DCC: variants seen among roughly 807,000 people sequenced by gnomAD.
The protein encoded by DCC is DCC netrin 1 receptor.
A neutral mutation model predicts 172.5 loss-of-function variants in DCC; 58 were observed. The ratio of observed to expected loss-of-function variants is 0.34; its 90% CI spans 0.27 to 0.42. DCC has a LOEUF of 0.42. Among genes scored for constraint, DCC ranks in the 10% least tolerant of loss-of-function variants. DCC has a pLI of 1.00. For missense variants in DCC, 1,740 were observed against 1,791.0 expected (o/e 0.97, Z 0.51); for synonymous variants, 709 against 644.5 (o/e 1.10, Z -1.52).
At chr18:52,559,254 G>A (rs1568229003) in intron 1 of DCC, among the ~76,000 whole-genome samples, 1 of 152,140 alleles carries the variant, frequency 6.6e-6, no homozygotes, top group Non-Finnish European at 1.5e-5. Context: ...TGGGACTACA[G>A]ACATGTGCCA....
chr18:53,526,629 C>G lies in DCC; in HGVS notation c.4124C>G (p.Pro1375Arg), dbSNP rs387906555. Residue 1375 changes from proline (P) to arginine (R), a missense_variant, in exon 28 of 29, where the codon CCT becomes CGT. By Grantham distance (103) the Pro-to-Arg change is moderately radical. Coordinates refer to ENST00000442544, the MANE Select transcript of DCC (RefSeq NM_005215.4). The part of the protein sequence containing the change: ...PLLSQPGPTL[P>R]KTHVKTASLG... ...TTTTCTATTTCAGGGCCCACTCTTC[C>G]TAAGACCCATGTGAAAACAGCCTCC... 2 of 1,613,344 alleles carry G rather than the reference C, an allele frequency of 1.2e-6. No individual in the cohort carries two copies. The highest frequency in any genetic ancestry group is 2.7e-5 in the African/African-American group (2 of 74,852).
intron 22 of DCC, among the ~76,000 whole-genome samples, chr18:53,446,064 C>A (rs951000332): frequency 1.6e-5 from 2 of 127,062 alleles, no homozygotes; most frequent in African/African-American, 2.9e-5. Flanking sequence ...GAGTTTGAGA[C>A]CAGCCTGGGC....
At chr18:53,495,912 C>T (rs1599217594) in intron 26 of DCC, among the ~76,000 whole-genome samples, 2 of 152,186 alleles carry the variant, frequency 1.3e-5, no homozygotes, top group South Asian at 2.1e-4. Context: ...CTAGATTCCT[C>T]GTCTCTGGGC....
intron 1 of DCC, among the ~76,000 whole-genome samples, chr18:52,501,837 T>A (rs1171522759): frequency 6.6e-6 from 1 of 152,210 alleles, no homozygotes; most frequent in Admixed American, 6.5e-5. Context: ...GGTATCTTCA[T>A]CTACTATGTG....
At chr18:53,323,778 G>T (rs960673690) in intron 14 of DCC, among the ~76,000 whole-genome samples, 3 of 152,062 alleles carry the variant, frequency 2.0e-5, no homozygotes, top group Admixed American at 6.6e-5. Context: ...GGATGAATAA[G>T]AATTAGGTAT....
chr18:53,388,924 G>A (rs62099978), intron 16 of DCC, among the ~76,000 whole-genome samples: 64,413 of 151,922 alleles, frequency 0.42, 15,449 homozygotes, highest in Non-Finnish European at 0.55. Flanking sequence ...AGCTGGGACT[G>A]CAGGTGTGCC....
At chr18:52,928,545 A>C (rs2040254464) in intron 5 of DCC, among the ~76,000 whole-genome samples, 1 of 152,218 alleles carries the variant, frequency 6.6e-6, no homozygotes, top group African/African-American at 2.4e-5. Context: ...ACATATGCAC[A>C]CATGTGCGTG....
intron 8 of DCC, among the ~76,000 whole-genome samples, chr18:53,174,881 A>G (rs1345010543): frequency 6.6e-6 from 1 of 152,186 alleles, no homozygotes; most frequent in Non-Finnish European, 1.5e-5. Flanking sequence ...AAAAAAAGAG[A>G]ATTTTAGACC....
At chr18:52,829,033 G>C (rs2038564596) in intron 2 of DCC, among the ~76,000 whole-genome samples, 1 of 152,122 alleles carries the variant, frequency 6.6e-6, no homozygotes, top group Non-Finnish European at 1.5e-5. Flanking sequence ...ATACAATTAG[G>C]TCAAATTAAA....
intron 2 of DCC, among the ~76,000 whole-genome samples, chr18:52,851,842 T>C (rs892630493): frequency 1.3e-5 from 2 of 152,140 alleles, no homozygotes; most frequent in South Asian, 2.1e-4. Context: ...TGGGAATTGC[T>C]GTTTAAACAA....
intron 15 of DCC, among the ~76,000 whole-genome samples, chr18:53,366,701 A>G (rs1483052371): frequency 6.6e-6 from 1 of 152,162 alleles, no homozygotes; most frequent in African/African-American, 2.4e-5. Context: ...CTGAGTTTTA[A>G]CAAGACACGT....
At chr18:52,846,022 T>C (rs2038882516) in intron 2 of DCC, among the ~76,000 whole-genome samples, 1 of 152,186 alleles carries the variant, frequency 6.6e-6, no homozygotes, top group Non-Finnish European at 1.5e-5. Flanking sequence ...CTAATGTTCT[T>C]CCAGTTTTTT....
chr18:52,574,877 G>T (rs186786829), intron 1 of DCC, among the ~76,000 whole-genome samples: 36 of 152,206 alleles, frequency 2.4e-4, no homozygotes, highest in Non-Finnish European at 4.7e-4. Context: ...ATGTGAATAG[G>T]CTTCCATACA....
intron 20 of DCC, among the ~76,000 whole-genome samples, chr18:53,414,059 A>G (rs1486841184): frequency 1.3e-5 from 2 of 152,190 alleles, no homozygotes; most frequent in Admixed American, 6.5e-5. Flanking sequence ...AGAAGCCATT[A>G]ATTTTCAATG....
At chr18:53,310,005 G>A (rs2057247886) in intron 13 of DCC, among the ~76,000 whole-genome samples, 1 of 139,670 alleles carries the variant, frequency 7.2e-6, no homozygotes, top group Non-Finnish European at 1.5e-5. Context: ...TTGAACTAAA[G>A]CAATAAAAAG....
Position 52,929,570 on chromosome 18 carries a change from A to G in DCC, c.985+4200A>G, listed in dbSNP as rs187260553. ...TGAAAATGAGGTTAAAACAACTGCCATACTTCGAATCTGTAGACACAGAGG... is the reference window on the plus strand; with the variant it reads ...TGAAAATGAGGTTAAAACAACTGCCGTACTTCGAATCTGTAGACACAGAGG... On this transcript the variant is annotated intron_variant, in intron 5 of 28. Coordinates refer to ENST00000442544, the MANE Select transcript of DCC (RefSeq NM_005215.4). 6.8e-4 allele frequency among the ~76,000 whole-genome samples: 104 copies of G among 152,252 alleles called. 1 individual carries two copies. Among genetic ancestry groups the G allele is most frequent in the Non-Finnish European group, 1.3e-3 (86 of 68,000 alleles).
intron 1 of DCC, among the ~76,000 whole-genome samples, chr18:52,579,864 G>C (rs1598928844): frequency 6.6e-6 from 1 of 152,192 alleles, no homozygotes. Context: ...GAGAAATTAT[G>C]TCAAAATCAC....
chr18:52,742,145 C>G (rs2036831436), intron 1 of DCC, among the ~76,000 whole-genome samples: 2 of 152,186 alleles, frequency 1.3e-5, no homozygotes, highest in Non-Finnish European at 2.9e-5. Flanking sequence ...TGATCCTGGA[C>G]TTCCCAGCTT....
In DCC at chr18:52,841,504, A is replaced by G. The variant is rs183244321; in HGVS notation, c.413-64540A>G. The stretch of plus-strand genomic sequence containing the variant: ...CCTGCTTTTAGATAAAACACTGTAA[A>G]AGGCATTCTGTCCGAGAAAGGAATT... On this transcript the variant is annotated intron_variant, in intron 2 of 28. Coordinates refer to ENST00000442544, the MANE Select transcript of DCC (RefSeq NM_005215.4). Among the ~76,000 whole-genome samples the G allele has an allele frequency of 1.9e-4, 29 of 152,322 alleles. 1 individual carries two copies. Among genetic ancestry groups the G allele is most frequent in the Non-Finnish European group, 4.3e-4 (29 of 68,038 alleles).
Sources: gnomAD v4.1 joint callset for allele counts (sites outside exome capture counted in the v4.1 genomes callset) on GRCh38, gnomAD v4.1.1 for gene constraint, MANE v1.5 for transcripts, NCBI Gene and HGNC (gene_info 2026-07-23, HGNC 2026-07-21) for gene names.